The following GPHN variants were observed in gnomAD, a reference collection of about 807,000 sequenced individuals.
The protein encoded by GPHN is gephyrin.
GPHN carries 17 observed loss-of-function variants against 95.5 expected under a neutral mutation model. That is an observed-to-expected ratio of 0.18 (90% CI 0.12 to 0.27). The LOEUF is 0.27. Among genes scored for constraint, GPHN ranks in the 10% least tolerant of loss-of-function variants. The pLI is 1.00. For synonymous variants in GPHN, 320 were observed against 322.5 expected, an observed-to-expected ratio of 0.99 and a Z score of 0.08; for missense variants, 660 against 978.1, an observed-to-expected ratio of 0.67 and a Z score of 4.34.
chr14:66,923,054 A>G (rs1225419575), intron 7 of GPHN, 116 bp downstream of exon 7: 1 of 871,250 alleles, frequency 1.1e-6, no homozygotes, highest in Admixed American at 1.9e-5. Context: ...AGAACCCTAA[A>G]AAAATAAGTG....
chr14:66,701,643 C>T (rs938226865), intron 2 of GPHN, among the ~76,000 whole-genome samples: 15 of 152,192 alleles, frequency 9.9e-5, no homozygotes, highest in East Asian at 1.9e-4. Context: ...GCTTTTTCCA[C>T]GGAACTGTGC....
At chr14:66,762,844 T>C (rs1021129979) in intron 2 of GPHN, among the ~76,000 whole-genome samples, 4 of 152,242 alleles carry the variant, frequency 2.6e-5, no homozygotes, top group Admixed American at 1.3e-4. Flanking sequence ...GGTACCCATT[T>C]AACCTCACTA....
intron 11 of GPHN, among the ~76,000 whole-genome samples, chr14:67,080,963 G>C (rs1792479469): frequency 6.6e-6 from 1 of 152,116 alleles, no homozygotes; most frequent in Non-Finnish European, 1.5e-5. Flanking sequence ...CTGAATAGTA[G>C]TATTCTGTGG....
the GPHN span, among the ~76,000 whole-genome samples, chr14:67,519,740 T>C: frequency 5.3e-5 from 8 of 151,866 alleles, no homozygotes; most frequent in African/African-American, 1.9e-4. Flanking sequence ...ACTTTTTTTT[T>C]GAGACAGGTT....
the GPHN span, among the ~76,000 whole-genome samples, chr14:67,465,149 A>G: frequency 6.6e-6 from 1 of 152,258 alleles, no homozygotes; most frequent in African/African-American, 2.4e-5. Flanking sequence ...ACCGGCACAC[A>G]GAGGGCTTCC....
At chr14:67,417,591 T>C in the GPHN span, among the ~76,000 whole-genome samples, 8 of 149,318 alleles carry the variant, frequency 5.4e-5, no homozygotes, top group African/African-American at 1.8e-4. Flanking sequence ...ACCAACACAC[T>C]TGGTTAATTA....
intron 11 of GPHN, among the ~76,000 whole-genome samples, chr14:67,063,904 C>G (rs1319733043): frequency 1.3e-5 from 2 of 152,166 alleles, no homozygotes; most frequent in African/African-American, 4.8e-5. Context: ...TCCTCTTTTC[C>G]TAATTGAATA....
the GPHN span, chr14:67,380,573 T>G: frequency 1.7e-6 from 1 of 601,274 alleles, no homozygotes. Context: ...GCTTAACTAT[T>G]ATATGCATTG....
chr14:67,473,453 T>G, the GPHN span: 1 of 1,614,140 alleles, frequency 6.2e-7, no homozygotes, highest in East Asian at 2.2e-5. This position sits in a 1 kb window ranked among gnomAD's most constrained non-coding sequence, Gnocchi z 6.5. Context: ...TGGCCAGGGC[T>G]AGGGCGCCGC....
chr14:66,776,600 C>G, intron 3 of GPHN, 79 bp downstream of exon 3: 5 of 834,466 alleles, frequency 6.0e-6, no homozygotes, highest in Non-Finnish European at 1.1e-5. Context: ...TTTCTTTATG[C>G]CATTGATATT....
At chr14:66,953,167 G>T (rs1246870565) in intron 8 of GPHN, among the ~76,000 whole-genome samples, 1 of 95,398 alleles carries the variant, frequency 1.0e-5, no homozygotes, top group Non-Finnish European at 1.7e-5. Flanking sequence ...CCATTTTCAA[G>T]CGGGTTGTTG....
At chr14:67,392,204 G>T in the GPHN span, 1 of 712,686 alleles carries the variant, frequency 1.4e-6, no homozygotes, top group Non-Finnish European at 2.5e-6. Flanking sequence ...TCTTGCTTTC[G>T]TAGATTTTGC....
At chr14:67,573,342 T>C in the GPHN span, 1 of 1,613,656 alleles carries the variant, frequency 6.2e-7, no homozygotes, top group East Asian at 2.2e-5. This position sits in a 1 kb window ranked among gnomAD's most constrained non-coding sequence, Gnocchi z 4.8. Flanking sequence ...GAAGAGGCGC[T>C]GGTTTGTCCT....
the GPHN span, among the ~76,000 whole-genome samples, chr14:67,288,709 G>A: frequency 6.6e-6 from 1 of 151,916 alleles, no homozygotes. Flanking sequence ...GAATTCTTTG[G>A]TAACCTCATT....
At chr14:67,619,991 G>A in the GPHN span, 3 of 1,605,092 alleles carry the variant, frequency 1.9e-6, no homozygotes, top group Non-Finnish European at 2.6e-6. Flanking sequence ...TCCCTAAGGG[G>A]CAGCCTCTCG....
intron 8 of GPHN, among the ~76,000 whole-genome samples, chr14:66,942,885 A>G (rs576722661): frequency 1.3e-5 from 2 of 152,332 alleles, no homozygotes; most frequent in East Asian, 1.9e-4. Flanking sequence ...GTTTAAAACA[A>G]CTATTGTTAT....
chr14:67,064,165 G>C (rs1160149289), intron 11 of GPHN, among the ~76,000 whole-genome samples: 1 of 152,094 alleles, frequency 6.6e-6, no homozygotes, highest in Non-Finnish European at 1.5e-5. Context: ...TTTGTCGAAG[G>C]CCTTTTCTGC....
chr14:67,428,221 C>T, the GPHN span, among the ~76,000 whole-genome samples: 2 of 151,808 alleles, frequency 1.3e-5, no homozygotes, highest in African/African-American at 4.8e-5. Context: ...GCCCAGCTGA[C>T]AATGCCTTTT....
chr14:67,682,142 G>A, the GPHN span, among the ~76,000 whole-genome samples: 13 of 152,142 alleles, frequency 8.5e-5, no homozygotes, highest in African/African-American at 3.1e-4. Flanking sequence ...TACCCAGTCT[G>A]TGGTATTCTG....
Sources: gnomAD v4.1 joint callset for allele counts (sites outside exome capture counted in the v4.1 genomes callset) on GRCh38, gnomAD v4.1.1 for gene constraint, Gnocchi (gnomAD v3.1) non-coding constraint, MANE v1.5 for transcripts, NCBI Gene and HGNC (gene_info 2026-07-23, HGNC 2026-07-21) for gene names.